Variants in FHIT observed in about 807,000 individuals in gnomAD.
FHIT encodes fragile histidine triad diadenosine triphosphatase, also known as bis(5'-adenosyl)-triphosphatase.
A neutral mutation model predicts 17.9 loss-of-function variants in FHIT; 19 were observed. The observed-to-expected ratio is 1.06, with a 90% CI of 0.74 to 1.56. The LOEUF is 1.56. FHIT is among the 40% of genes most tolerant of loss of function. The pLI, the probability that FHIT is intolerant of heterozygous loss-of-function variation, is 0.00. For missense variants in FHIT, 248 were observed against 189.2 expected, an observed-to-expected ratio of 1.31 and a Z score of -1.82; for synonymous variants, 81 against 69.7, an observed-to-expected ratio of 1.16 and a Z score of -0.81.
intron 5 of FHIT, among the ~76,000 whole-genome samples, chr3:60,122,174 A>G (rs1297983145): frequency 1.3e-5 from 2 of 152,144 alleles, no homozygotes; most frequent in Non-Finnish European, 2.9e-5. Context: ...TGTCAACTCA[A>G]ATGTACTGCT....
chr3:59,932,813 A>C (rs3772446), intron 7 of FHIT, among the ~76,000 whole-genome samples: 13,232 of 152,236 alleles, frequency 0.087, 729 homozygotes, highest in Admixed American at 0.12. Context: ...GAATTAAAGG[A>C]AAGAATAAGA....
At chr3:60,398,320 A>G (rs1701531984) in intron 5 of FHIT, among the ~76,000 whole-genome samples, 1 of 152,166 alleles carries the variant, frequency 6.6e-6, no homozygotes, top group African/African-American at 2.4e-5. Context: ...AAAATCTTTG[A>G]GGTATAATGC....
At chr3:60,023,551 T>C (rs1700628090) in intron 5 of FHIT, among the ~76,000 whole-genome samples, 1 of 152,178 alleles carries the variant, frequency 6.6e-6, no homozygotes, top group Non-Finnish European at 1.5e-5. Flanking sequence ...TTCCCTCAGA[T>C]CTTCCATATA....
chr3:60,402,926 A>G (rs1701717783), intron 5 of FHIT, among the ~76,000 whole-genome samples: 1 of 152,214 alleles, frequency 6.6e-6, no homozygotes, highest in Non-Finnish European at 1.5e-5. Flanking sequence ...CAGCACTTGG[A>G]ACAATTACCT....
chr3:60,324,341 T>TC (rs1022042644), intron 5 of FHIT, among the ~76,000 whole-genome samples: 7 of 588 alleles, frequency 0.012, no homozygotes, highest in Non-Finnish European at 0.023. Context: ...ATCCCAGAAC[T>TC]TTGGAGGCTG....
intron 4 of FHIT, among the ~76,000 whole-genome samples, chr3:60,543,181 G>A (rs1253251513): frequency 6.6e-6 from 1 of 152,122 alleles, no homozygotes; most frequent in East Asian, 1.9e-4. Context: ...ATGGCAGCAT[G>A]AAAGCAGTAT....
chr3:60,797,312 T>C (rs1575537116), intron 4 of FHIT, among the ~76,000 whole-genome samples: 2 of 152,150 alleles, frequency 1.3e-5, no homozygotes, highest in African/African-American at 4.8e-5. Context: ...TTGTGGGTTG[T>C]GGATATGGCA....
At chr3:59,851,262 AC>A (rs1175879420) in intron 8 of FHIT, among the ~76,000 whole-genome samples, 2 of 152,176 alleles carry the variant, frequency 1.3e-5, no homozygotes, top group African/African-American at 4.8e-5. Flanking sequence ...ACTAACTAGA[AC>A]TTTTATGGCT....
intron 1 of FHIT, among the ~76,000 whole-genome samples, chr3:61,226,525 G>A (rs1229270363): frequency 2.0e-5 from 3 of 151,838 alleles, no homozygotes; most frequent in East Asian, 1.9e-4. Flanking sequence ...AACTTGTTCC[G>A]CCTGTCAGCC....
intron 4 of FHIT, among the ~76,000 whole-genome samples, chr3:60,555,017 T>C (rs942407200): frequency 1.3e-5 from 2 of 152,244 alleles, no homozygotes; most frequent in African/African-American, 4.8e-5. Flanking sequence ...ACAAGATAAC[T>C]ACATGACTGA....
intron 8 of FHIT, among the ~76,000 whole-genome samples, chr3:59,815,400 T>C (rs966476441): frequency 2.0e-5 from 3 of 152,130 alleles, no homozygotes; most frequent in Admixed American, 6.5e-5. Flanking sequence ...GAGGAAAAGA[T>C]GTCATTATAT....
intron 4 of FHIT, among the ~76,000 whole-genome samples, chr3:60,692,417 T>A (rs1191197819): frequency 1.3e-5 from 2 of 152,106 alleles, no homozygotes; most frequent in Non-Finnish European, 2.9e-5. Flanking sequence ...AACAGGGAGA[T>A]TATCCTCCAG....
chr3:60,204,973 G>A (rs1421884633), intron 5 of FHIT, among the ~76,000 whole-genome samples: 2 of 152,002 alleles, frequency 1.3e-5, no homozygotes, highest in African/African-American at 4.8e-5. Context: ...GCATGCACCA[G>A]TAGTGTCAGC....
Position 60,155,686 on chromosome 3 carries a change from G to T in FHIT, c.104-141534C>A, listed in dbSNP as rs6780176. Among the ~76,000 whole-genome samples the T allele has an allele frequency of 5.3e-5, 8 of 152,170 alleles. No homozygotes were observed. The East Asian group carries it at 1.2e-3, about 22-fold the overall frequency. ...GGCTCCTGAATCCAGCAGTCTCCTG[G>T]GTTTTTTTTCTGACATTCATTTACT... On this transcript the variant is annotated intron_variant, in intron 5 of 9. Transcript: ENST00000492590.
intron 5 of FHIT, among the ~76,000 whole-genome samples, chr3:60,144,927 T>C (rs1444819699): frequency 6.6e-6 from 1 of 152,128 alleles, no homozygotes; most frequent in Non-Finnish European, 1.5e-5. Context: ...TTATGCCAAA[T>C]AGAAAGCACT....
intron 3 of FHIT, among the ~76,000 whole-genome samples, chr3:60,890,197 T>C (rs1705437703): frequency 7.3e-6 from 1 of 137,612 alleles, no homozygotes; most frequent in East Asian, 2.0e-4. Context: ...TTTGAAACTT[T>C]CCAAAAAATT....
At chr3:61,164,318 G>A (rs1313126544) in intron 2 of FHIT, among the ~76,000 whole-genome samples, 1 of 152,186 alleles carries the variant, frequency 6.6e-6, no homozygotes, top group Non-Finnish European at 1.5e-5. Context: ...GCTTCTCAAA[G>A]TGTGGTTCCC....
intron 5 of FHIT, among the ~76,000 whole-genome samples, chr3:60,448,412 A>T (rs2031490689): frequency 6.6e-6 from 1 of 152,202 alleles, no homozygotes; most frequent in African/African-American, 2.4e-5. Flanking sequence ...GTATCAACTG[A>T]TGTCCAAAAA....
chr3:60,300,202 G>A (rs1485667829), intron 5 of FHIT, among the ~76,000 whole-genome samples: 1 of 152,016 alleles, frequency 6.6e-6, no homozygotes, highest in Non-Finnish European at 1.5e-5. Context: ...CTAAATGAGA[G>A]GAAGAGGAAA....
Sources: gnomAD v4.1 joint callset for allele counts (sites outside exome capture counted in the v4.1 genomes callset) on GRCh38, gnomAD v4.1.1 for gene constraint, MANE v1.5 for transcripts, NCBI Gene and HGNC (gene_info 2026-07-23, HGNC 2026-07-21) for gene names.